The following PRTG variants were observed in gnomAD, a reference collection of about 807,000 sequenced individuals.
PRTG encodes the protein protogenin, also known as immunoglobulin superfamily, DCC subclass, member 5.
Under a neutral mutation model 122.5 loss-of-function variants are expected in PRTG, and 67 were observed. The ratio of observed to expected loss-of-function variants is 0.55; its 90% CI spans 0.45 to 0.67. The LOEUF is 0.67. PRTG is among the 30% of genes least tolerant of loss of function. The pLI is 0.00. For missense variants in PRTG, 1,435 were observed against 1,415.4 expected (o/e 1.01, Z -0.22); for synonymous variants, 554 against 501.1 (o/e 1.11, Z -1.41).
Position 55,615,551 on chromosome 15 carries a change from C to A in PRTG, c.*4461G>T, listed in dbSNP as rs1471927922. 6.6e-6 allele frequency: 1 copy of A among 152,068 alleles called. No individual in the cohort carries two copies. Among genetic ancestry groups the A allele is most frequent in the Non-Finnish European group, 1.5e-5 (1 of 67,978 alleles). 9.4% of individuals were successfully genotyped at this position (152,068 alleles called of 1,614,324 possible). ...CAATAAAAAAATCACAATTAGACAA[C>A]TGGTTGTATATGGTAGTCTCCAGAA... On this transcript the variant is annotated 3_prime_UTR_variant, in exon 20 of 20. Transcript: ENST00000389286.
At chr15:55,622,703 T>G (rs1157890781) in intron 18 of PRTG, among the ~76,000 whole-genome samples, 1 of 152,062 alleles carries the variant, frequency 6.6e-6, no homozygotes, top group African/African-American at 2.4e-5. Context: ...ACCTGGCTAA[T>G]TTTTGTATTT....
At chr15:55,626,862 G>C (rs140344361) in intron 17 of PRTG, 146 bp downstream of exon 17, 16 of 530,482 alleles carry the variant, frequency 3.0e-5, no homozygotes, top group Non-Finnish European at 9.2e-6. Context: ...TTCTATAGCT[G>C]TAAGAACTCA....
chr15:55,741,303 T>C (rs1396668087), intron 1 of PRTG, among the ~76,000 whole-genome samples: 1 of 152,212 alleles, frequency 6.6e-6, no homozygotes, highest in Non-Finnish European at 1.5e-5. Context: ...AGACAAACAA[T>C]AGACTTTGAA....
chr15:55,705,064 A>G (rs943460695), intron 2 of PRTG, among the ~76,000 whole-genome samples: 4 of 152,198 alleles, frequency 2.6e-5, no homozygotes, highest in African/African-American at 9.6e-5. Context: ...TAGCAGGTAA[A>G]TAATATTACT....
intron 11 of PRTG, among the ~76,000 whole-genome samples, chr15:55,644,757 A>T (rs1008827475): frequency 7.9e-5 from 12 of 152,108 alleles, no homozygotes; most frequent in Admixed American, 7.9e-4. Context: ...CTTTCTATCC[A>T]AATAGAAAAG....
At chr15:55,730,604 T>C (rs952552520) in intron 2 of PRTG, among the ~76,000 whole-genome samples, 3 of 152,046 alleles carry the variant, frequency 2.0e-5, no homozygotes, top group South Asian at 2.1e-4. Flanking sequence ...ATCAAGACCA[T>C]CCTGGCTAAC....
intron 2 of PRTG, among the ~76,000 whole-genome samples, chr15:55,710,729 T>C (rs1232798650): frequency 6.6e-6 from 1 of 152,140 alleles, no homozygotes; most frequent in Non-Finnish European, 1.5e-5. Context: ...TTGCATTCAC[T>C]TGATTCCTGA....
At chr15:55,628,760 T>C (rs996787575) in intron 16 of PRTG, 62 bp downstream of exon 16, 12 of 1,297,426 alleles carry the variant, frequency 9.2e-6, no homozygotes, top group Admixed American at 6.5e-5. Context: ...GCAGAAATAA[T>C]GTGTAAGGAA....
intron 2 of PRTG, among the ~76,000 whole-genome samples, chr15:55,703,893 T>G (rs962215281): frequency 1.3e-5 from 2 of 152,344 alleles, no homozygotes; most frequent in Admixed American, 1.3e-4. Context: ...TCTCAAATTA[T>G]CTGTCTTCCC....
chr15:55,739,274 T>C (rs960831052), intron 2 of PRTG, among the ~76,000 whole-genome samples: 44 of 151,756 alleles, frequency 2.9e-4, no homozygotes, highest in Non-Finnish European at 6.0e-4. Flanking sequence ...TTTTTTTTTT[T>C]TTTTCCTTAA....
chr15:55,657,392 G>T (rs1401995029), intron 11 of PRTG, among the ~76,000 whole-genome samples: 3 of 152,094 alleles, frequency 2.0e-5, no homozygotes, highest in Non-Finnish European at 4.4e-5. Flanking sequence ...CCATTCAGAT[G>T]GAGAAAGGTG....
chr15:55,714,942 C>G (rs1340573044), intron 2 of PRTG, among the ~76,000 whole-genome samples: 1 of 152,160 alleles, frequency 6.6e-6, no homozygotes, highest in Non-Finnish European at 1.5e-5. Flanking sequence ...CAGCTCTTTA[C>G]AGAGCTTTAC....
chr15:55,615,848 T>C lies in PRTG; in HGVS notation c.*4164A>G, dbSNP rs2059139683. ...TATTCTTGCATTAAAAAATAAATGA[T>C]ATTTTCAATTCCAAATTCTTGTGAC... On this transcript the variant is annotated 3_prime_UTR_variant, in exon 20 of 20. Transcript: ENST00000389286. The C allele has an allele frequency of 6.6e-6, 1 of 152,124 alleles. No homozygotes were observed. The highest frequency in any genetic ancestry group is 6.6e-5 in the Admixed American group (1 of 15,262). The allele number at this position is 152,124 out of a possible 1,614,324, so 9.4% of individuals were successfully genotyped here. A position where few individuals can be genotyped will look rare whatever the true frequency, so the allele number is the denominator to read the frequency against.
At chr15:55,644,419 TG>T (rs1476529571) in intron 11 of PRTG, among the ~76,000 whole-genome samples, 2 of 152,236 alleles carry the variant, frequency 1.3e-5, no homozygotes, top group African/African-American at 4.8e-5. Context: ...AATACATTCC[TG>T]GAATGGTTCC....
At chr15:55,661,982 T>C (rs983859449) in intron 11 of PRTG, among the ~76,000 whole-genome samples, 5 of 152,026 alleles carry the variant, frequency 3.3e-5, no homozygotes, top group African/African-American at 1.2e-4. Flanking sequence ...CACAGAGCCC[T>C]CCATGTTTTA....
intron 1 of PRTG, chr15:55,742,503 C>T (rs2031642563): frequency 8.0e-6 from 2 of 248,956 alleles, no homozygotes; most frequent in Admixed American, 1.1e-4. Flanking sequence ...GAGGCGCGGA[C>T]GCGGCCGGAG....
At position 55,638,591 on chromosome 15, in the gene PRTG, T is replaced by C; in HGVS notation, c.2410A>G (p.Ser804Gly). The C allele has an allele frequency of 6.2e-7, 1 of 1,613,672 alleles. No individual in the cohort carries two copies. Among genetic ancestry groups the C allele is most frequent in the South Asian group, 1.1e-5 (1 of 91,070 alleles). ...AVRLHVDQLS[S>G]PWSPVVYHST... ...TGGTAGACTACAGGGCTCCAAGGAC[T>C]GGAAAGCTGATCCACATGTAATCGA... The change falls in exon 14 of 20, where the codon AGT becomes GGT. Residue 804 changes from serine to glycine, a missense_variant. Transcript: ENST00000389286.
chr15:55,742,963 C>T lies in PRTG; in HGVS notation c.-32G>A. Reference sequence around the variant, plus strand: ...TAGCCGCGCGGGCATGCTCCCCGGCCGCCCAGAGCCCCTGTCCGTCTGCGG... The same window carrying T: ...TAGCCGCGCGGGCATGCTCCCCGGCTGCCCAGAGCCCCTGTCCGTCTGCGG... On this transcript the variant is annotated 5_prime_UTR_variant, in exon 1 of 20. Coordinates refer to ENST00000389286, the MANE Select transcript of PRTG (RefSeq NM_173814.6). The T allele has an allele frequency of 6.8e-7, 1 of 1,467,298 alleles. No homozygotes were observed. The highest frequency in any genetic ancestry group is 9.0e-7 in the Non-Finnish European group (1 of 1,110,896). 90.9% of individuals were successfully genotyped at this position (1,467,298 alleles called of 1,614,324 possible).
At chr15:55,625,040 T>C (rs1436053299) in intron 17 of PRTG, among the ~76,000 whole-genome samples, 2 of 152,224 alleles carry the variant, frequency 1.3e-5, no homozygotes, top group Admixed American at 6.5e-5. Context: ...TGTTTCCATG[T>C]AGAGCTACAA....
Sources: allele counts gnomAD v4.1 joint callset (sites outside exome capture counted in the v4.1 genomes callset), GRCh38; gene constraint gnomAD v4.1.1; transcripts MANE v1.5; gene names NCBI Gene and HGNC (gene_info 2026-07-23, HGNC 2026-07-21).